Variants in ZNF536 observed in about 807,000 individuals in gnomAD.
The protein encoded by ZNF536 is zinc finger protein 536.
In ZNF536, 13 loss-of-function variants were observed where a neutral mutation model predicts 84.5. The observed-to-expected ratio is 0.15, with a 90% confidence interval of 0.10 to 0.24. ZNF536 has a LOEUF of 0.24. ZNF536 is among the 10% of genes least tolerant of loss of function. The pLI is 1.00. For missense variants in ZNF536, 1,536 were observed against 1,747.5 expected (o/e 0.88, Z 2.16); for synonymous variants, 811 against 742.5 (o/e 1.09, Z -1.50).
At chr19:30,692,601 G>A (rs368280397) in intron 1 of ZNF536, among the ~76,000 whole-genome samples, 1 of 152,208 alleles carries the variant, frequency 6.6e-6, no homozygotes, top group Non-Finnish European at 1.5e-5. Flanking sequence ...GAAACGGAAC[G>A]CCGTTCTGCC....
intron 1 of ZNF536, among the ~76,000 whole-genome samples, chr19:30,629,283 C>G (rs937733404): frequency 1.3e-5 from 2 of 152,134 alleles, no homozygotes. Context: ...ACTGCAGGCT[C>G]GACCTCCTCG....
chr19:30,271,450 T>G (rs1410151715), intron 1 of ZNF536, among the ~76,000 whole-genome samples: 2 of 152,148 alleles, frequency 1.3e-5, no homozygotes, highest in Non-Finnish European at 2.9e-5. Flanking sequence ...CCTTGACTTT[T>G]CTCATCCCTT....
intron 1 of ZNF536, among the ~76,000 whole-genome samples, chr19:30,241,648 G>T (rs1325423665): frequency 6.6e-6 from 1 of 152,198 alleles, no homozygotes; most frequent in Non-Finnish European, 1.5e-5. Flanking sequence ...AGAGCCCATG[G>T]GGAGCGGGCT....
chr19:30,286,946 A>G (rs1335530784), intron 2 of ZNF536, among the ~76,000 whole-genome samples: 1 of 152,226 alleles, frequency 6.6e-6, no homozygotes, highest in Non-Finnish European at 1.5e-5. Flanking sequence ...TGATAACAGC[A>G]AATGAGGAAA....
chr19:30,451,365 C>T (rs926687291), intron 2 of ZNF536, among the ~76,000 whole-genome samples: 4 of 152,246 alleles, frequency 2.6e-5, no homozygotes, highest in Admixed American at 2.0e-4. Flanking sequence ...TTTTTATAAA[C>T]TTCCCATTCA....
At chr19:30,667,650 G>C (rs1045373121) in intron 1 of ZNF536, among the ~76,000 whole-genome samples, 7 of 70,042 alleles carry the variant, frequency 1.0e-4, no homozygotes, top group African/African-American at 4.8e-4. Flanking sequence ...TAATTAATGA[G>C]AAGTGAGGTA....
intron 2 of ZNF536, among the ~76,000 whole-genome samples, chr19:30,292,671 GA>G (rs2045881127): frequency 1.3e-5 from 2 of 150,280 alleles, no homozygotes; most frequent in Admixed American, 1.4e-4. Context: ...GGTCCTAGTT[GA>G]GAAAAAAAAA....
intron 1 of ZNF536, among the ~76,000 whole-genome samples, chr19:30,699,752 T>C (rs944409774): frequency 2.6e-5 from 4 of 152,218 alleles, no homozygotes; most frequent in Admixed American, 2.0e-4. Context: ...GGTCCTGGGC[T>C]GGCATCCTCC....
intron 2 of ZNF536, among the ~76,000 whole-genome samples, chr19:30,293,489 C>T (rs1172962960): frequency 6.6e-6 from 1 of 152,122 alleles, no homozygotes; most frequent in Non-Finnish European, 1.5e-5. Flanking sequence ...TTGTGGTTCT[C>T]CTTTTATGTT....
chr19:30,351,279 C>T (rs567759866), intron 2 of ZNF536, among the ~76,000 whole-genome samples: 2 of 152,316 alleles, frequency 1.3e-5, no homozygotes, highest in Middle Eastern at 6.8e-3. Flanking sequence ...ATACTAGTGA[C>T]AGTGACCTTG....
At chr19:30,451,381 T>G (rs909900340) in intron 2 of ZNF536, among the ~76,000 whole-genome samples, 42 of 152,244 alleles carry the variant, frequency 2.8e-4, no homozygotes, top group African/African-American at 9.9e-4. Flanking sequence ...ATTCACTTGG[T>G]AGACTTGTAT....
At chr19:30,328,769 A>G (rs1600240079) in intron 2 of ZNF536, among the ~76,000 whole-genome samples, 1 of 152,002 alleles carries the variant, frequency 6.6e-6, no homozygotes, top group Non-Finnish European at 1.5e-5. Context: ...TTCCTTTTGG[A>G]TTTTCCTGCT....
In ZNF536 at chr19:30,701,274, G is replaced by A. The variant is rs543163269; in HGVS notation, c.170-9483G>A. ...ACACACACACAAACACACAGACACA[G>A]ACGCATACAAACACAAACACACATA... On this transcript the variant is annotated intron_variant, in intron 1 of 1. Coordinates refer to the ZNF536 transcript ENST00000592773. Among the ~76,000 whole-genome samples, 7 of 125,884 alleles carry A rather than the reference G, an allele frequency of 5.6e-5. No homozygotes were observed. The South Asian group carries it at 1.6e-3, about 29-fold the overall frequency. The allele number at this position is 125,884 out of a possible 152,430, so 82.6% of individuals were successfully genotyped here.
intron 2 of ZNF536, among the ~76,000 whole-genome samples, chr19:30,499,269 CTATT>C (rs1255393099): frequency 6.6e-6 from 1 of 151,958 alleles, no homozygotes; most frequent in African/African-American, 2.4e-5. Flanking sequence ...AAGTATTTAT[CTATT>C]TATGTATGTA....
chr19:30,590,260 G>A (rs1237843739), intron 1 of ZNF536, among the ~76,000 whole-genome samples: 1 of 152,190 alleles, frequency 6.6e-6, no homozygotes, highest in African/African-American at 2.4e-5. Context: ...TGGAATTGAA[G>A]AATAAACACC....
At chr19:30,644,621 G>A (rs2049396600) in intron 1 of ZNF536, among the ~76,000 whole-genome samples, 1 of 152,054 alleles carries the variant, frequency 6.6e-6, no homozygotes, top group Non-Finnish European at 1.5e-5. Flanking sequence ...GCGGTGTTTG[G>A]TTTTTTGTCC....
At chr19:30,362,983 C>T (rs569863106) in intron 3 of ZNF536, among the ~76,000 whole-genome samples, 19 of 152,032 alleles carry the variant, frequency 1.2e-4, no homozygotes, top group African/African-American at 3.6e-4. Flanking sequence ...CGCTTGAACC[C>T]GGGAGGCAGA....
chr19:30,611,108 G>T (rs1436887436), intron 1 of ZNF536, among the ~76,000 whole-genome samples: 2 of 152,180 alleles, frequency 1.3e-5, no homozygotes, highest in African/African-American at 2.4e-5. Flanking sequence ...AGGAGAGGGG[G>T]AGACCAGAAG....
intron 1 of ZNF536, among the ~76,000 whole-genome samples, chr19:30,671,004 C>A (rs1043442809): frequency 6.6e-6 from 1 of 152,204 alleles, no homozygotes; most frequent in Non-Finnish European, 1.5e-5. Context: ...TGAGACTCCT[C>A]CCCTCCCCTT....
Sources: allele counts gnomAD v4.1 joint callset (sites outside exome capture counted in the v4.1 genomes callset), GRCh38; gene constraint gnomAD v4.1.1; transcripts MANE v1.5; gene names NCBI Gene and HGNC (gene_info 2026-07-23, HGNC 2026-07-21).